Variants in VCP observed in about 807,000 individuals in gnomAD.
VCP encodes the protein valosin containing protein, also known as transitional endoplasmic reticulum ATPase.
Under a neutral mutation model 85.7 loss-of-function variants are expected in VCP, and 6 were observed. That is an observed-to-expected ratio of 0.07 (90% CI 0.04 to 0.14). The LOEUF is 0.14. VCP is among the 10% of genes least tolerant of loss of function. VCP has a pLI of 1.00. For synonymous variants in VCP, 384 were observed against 367.1 expected (o/e 1.05, Z -0.53); for missense variants, 353 against 1,043.4 (o/e 0.34, Z 9.12).
intron 1 of VCP, chr9:35,071,843 G>A (rs936833990): frequency 9.1e-6 from 9 of 988,664 alleles, no homozygotes; most frequent in Non-Finnish European, 1.1e-5. Flanking sequence ...GCTCCGCCTC[G>A]GTGGCAGAGC....
At chr9:35,071,650 C>A (rs1828947635) in intron 1 of VCP, 1 of 945,012 alleles carries the variant, frequency 1.1e-6, no homozygotes, top group Non-Finnish European at 1.3e-6. Flanking sequence ...CTCAAACTTT[C>A]TAGTATGAAC....
intron 7 of VCP, 41 bp from the exon 8 acceptor site, chr9:35,062,391 C>G: frequency 6.2e-7 from 1 of 1,613,660 alleles, no homozygotes; most frequent in Non-Finnish European, 8.5e-7. Context: ...AAATGATAGT[C>G]TTTCCCAATT....
At position 35,059,046 on chromosome 9, in the gene VCP, G is replaced by T. The variant is rs1054911550; in HGVS notation, c.2160+18C>A. 2 of 1,613,562 alleles carry T rather than the reference G, an allele frequency of 1.2e-6. No homozygotes were observed. The highest frequency in any genetic ancestry group is 2.2e-5 in the East Asian group (1 of 44,862). On this transcript the variant is annotated intron_variant, in intron 15 of 16. Transcript: ENST00000358901. The surrounding 1 kb of genome is among the most constrained non-coding windows in gnomAD (Gnocchi z 4.9). ...GCTCTCCATGATTGGCACATCTGGG[G>T]AAAGGATGCAGACTCACCATGGCTG...
At chr9:35,063,111 C>T in intron 6 of VCP, 31 bp from the exon 7 acceptor site, 2 of 1,605,720 alleles carry the variant, frequency 1.2e-6, no homozygotes, top group East Asian at 2.2e-5. Flanking sequence ...TGATTAGGTT[C>T]CCACCTTCTC....
In VCP at chr9:35,056,942, T is replaced by C. The variant is rs766053871; in HGVS notation, c.*175A>G. The C allele has an allele frequency of 1.6e-4, 106 of 672,954 alleles. No homozygotes were observed. Among genetic ancestry groups the C allele is most frequent in the Non-Finnish European group, 2.4e-4 (91 of 381,714 alleles). The allele number at this position is 672,954 out of a possible 1,614,324, so 41.7% of individuals were successfully genotyped here. A position where few individuals can be genotyped will look rare whatever the true frequency, so the allele number is the denominator to read the frequency against. On this transcript the variant is annotated 3_prime_UTR_variant, in exon 17 of 17. Coordinates refer to ENST00000358901, the MANE Select transcript of VCP (RefSeq NM_007126.5). The stretch of plus-strand genomic sequence containing the variant: ...ATCGCTTTTATTTTATCGCTTTTGT[T>C]TTGTATTTTTGCAACAGAAACCCCC...
In VCP at chr9:35,064,302, TAAAG is replaced by T. The variant is rs763622603; in HGVS notation, c.577-21_577-18del. 1.7e-5 allele frequency: 28 copies of T among 1,613,682 alleles called. 1 individual carries two copies. The highest frequency in any genetic ancestry group is 2.2e-5 in the South Asian group (2 of 91,076). The stretch of plus-strand genomic sequence containing the variant: ...TTCCTCATCCTGAATATGGAGGAGA[TAAAG>T]AAAGGAGAAGGCAAGAATATTATAT... On this transcript the variant is annotated intron_variant, in intron 5 of 16. Coordinates refer to ENST00000358901, the MANE Select transcript of VCP (RefSeq NM_007126.5).
At chr9:35,066,874 G>A (rs1445258584) in intron 3 of VCP, 57 bp from the exon 4 acceptor site, 9 of 1,612,884 alleles carry the variant, frequency 5.6e-6, no homozygotes, top group African/African-American at 2.7e-5. Context: ...CAAGCACTGG[G>A]TGTCCAAAAG....
chr9:35,070,497 G>C (rs1170864317), intron 1 of VCP, among the ~76,000 whole-genome samples: 1 of 152,094 alleles, frequency 6.6e-6, no homozygotes, highest in Non-Finnish European at 1.5e-5. Flanking sequence ...GCAGTGGCGC[G>C]ATCTCCCTCA....
At position 35,056,718 on chromosome 9, in the gene VCP, C is replaced by G. The variant is rs899450311; in HGVS notation, c.*399G>C. ...TCCAGCAACTGTGGCCCCTACCCACCTACCCAGGTTGGATAGGGGGAAGGG... is the reference window on the plus strand; with the variant it reads ...TCCAGCAACTGTGGCCCCTACCCACGTACCCAGGTTGGATAGGGGGAAGGG... On this transcript the variant is annotated 3_prime_UTR_variant, in exon 17 of 17. Transcript: ENST00000358901. The G allele has an allele frequency of 3.6e-6, 1 of 280,596 alleles. No homozygotes were observed. The highest frequency in any genetic ancestry group is 7.1e-6 in the Non-Finnish European group (1 of 141,794). The allele number at this position is 280,596 out of a possible 1,614,324, so 17.4% of individuals were successfully genotyped here.
intron 15 of VCP, among the ~76,000 whole-genome samples, chr9:35,058,312 A>G (rs1257247336): frequency 6.6e-6 from 1 of 152,250 alleles, no homozygotes; most frequent in East Asian, 1.9e-4. Context: ...AACTTAATGA[A>G]TTAATTAAGG....
Position 35,072,456 on chromosome 9 carries a change from G to A in VCP, c.-103C>T. 7.4e-7 allele frequency: 1 copy of A among 1,346,786 alleles called. No individual in the cohort carries two copies. The highest frequency in any genetic ancestry group is 3.1e-5 in the East Asian group (1 of 32,480). The allele number at this position is 1,346,786 out of a possible 1,614,324, so 83.4% of individuals were successfully genotyped here. A position where few individuals can be genotyped will look rare whatever the true frequency, so the allele number is the denominator to read the frequency against. ...CCGGGGCTCGGCTCTTCCAGGCGGTGGGCGAGCAGCGGCGACAAACCCGCA... is the reference window on the plus strand; with the variant it reads ...CCGGGGCTCGGCTCTTCCAGGCGGTAGGCGAGCAGCGGCGACAAACCCGCA... On this transcript the variant is annotated 5_prime_UTR_variant, in exon 1 of 17. Transcript: ENST00000358901.
chr9:35,069,611 C>A (rs489922), intron 1 of VCP, among the ~76,000 whole-genome samples: 82,833 of 151,982 alleles, frequency 0.55, 25,847 homozygotes, highest in Non-Finnish European at 0.71. Flanking sequence ...CGCCACCACA[C>A]CTGGCTAATT....
rs1828667074 is a variant in VCP at position 35,058,979 on chromosome 9, C to T, written c.2160+85G>A. Reference sequence around the variant, plus strand: ...CTCAGTTAGATGATCTTTCCAACAGCTTCTACTCTCAACTCCAGGGCATGG... The same window carrying T: ...CTCAGTTAGATGATCTTTCCAACAGTTTCTACTCTCAACTCCAGGGCATGG... On this transcript the variant is annotated intron_variant, in intron 15 of 16. Transcript: ENST00000358901. 5 of 1,577,850 alleles carry T rather than the reference C, an allele frequency of 3.2e-6. No individual in the cohort carries two copies. The Admixed American group carries it at 8.3e-5, about 26-fold the overall frequency.
intron 15 of VCP, among the ~76,000 whole-genome samples, chr9:35,058,670 G>C (rs1020672443): frequency 6.6e-6 from 1 of 152,204 alleles, no homozygotes; most frequent in Non-Finnish European, 1.5e-5. Flanking sequence ...GGGAGGCTGA[G>C]GCAGGAGAAT....
rs139130688 is a variant in VCP at position 35,068,048 on chromosome 9, A to G, written c.145T>C (p.Leu49=). 26 of 1,614,240 alleles carry G rather than the reference A, an allele frequency of 1.6e-5. No homozygotes were observed. In the East Asian group the frequency reaches 5.8e-4, roughly 36 times the overall value. The change falls in exon 3 of 17, where the codon TTG becomes CTG. Residue 49 remains leucine, a synonymous_variant. Transcript: ENST00000358901. ...VSLSQPKMDE[L]QLFRGDTVLL... ...ACTGTGTCACCTCGGAACAACTGCA[A>G]TTCATCCATCTTGGGCTGAGGAAAG...
Position 35,059,541 on chromosome 9 carries a change from G to T in VCP, c.1956C>A (p.Ser652=). 1.9e-6 allele frequency: 3 copies of T among 1,614,136 alleles called. No homozygotes were observed. Among genetic ancestry groups the T allele is most frequent in the Non-Finnish European group, 2.5e-6 (3 of 1,180,038 alleles). The change falls in exon 14 of 17, where the codon TCC becomes TCA. Residue 652 remains serine, a synonymous_variant. Coordinates refer to ENST00000358901, the MANE Select transcript of VCP (RefSeq NM_007126.5). The surrounding 1 kb of genome is among the most constrained non-coding windows in gnomAD (Gnocchi z 4.9). ...GGTTAGCCTTGAGGATGGCAACACG[G>T]GACTTCTCATCAGGAAGTGGGATGT... is the stretch of plus-strand genomic sequence containing the variant. ...LIYIPLPDEK[S]RVAILKANLR... is the part of the protein sequence containing the mutation.
Position 35,065,388 on chromosome 9 carries a change from G to A in VCP, c.446-7C>T, listed in dbSNP as rs757560700. 6.2e-6 allele frequency: 10 copies of A among 1,614,094 alleles called. No homozygotes were observed. Among genetic ancestry groups the A allele is most frequent in the Non-Finnish European group, 8.5e-6 (10 of 1,179,994 alleles). On this transcript the variant is annotated splice_region_variant and splice_polypyrimidine_tract_variant and intron_variant, in intron 4 of 16. Transcript: ENST00000358901. ...CGGACAAGAAAAATGTCTCCTGCGAGAGCAAACAGTACAAGCACAGTTAGA... is the reference window on the plus strand; with the variant it reads ...CGGACAAGAAAAATGTCTCCTGCGAAAGCAAACAGTACAAGCACAGTTAGA...
intron 4 of VCP, among the ~76,000 whole-genome samples, chr9:35,066,057 C>T (rs12376181): frequency 6.6e-6 from 1 of 151,178 alleles, no homozygotes; most frequent in African/African-American, 2.4e-5. Flanking sequence ...ACCCAGGAGG[C>T]GGAGGTTGCA....
chr9:35,070,706 G>T (rs1044834168), intron 1 of VCP, among the ~76,000 whole-genome samples: 1 of 152,178 alleles, frequency 6.6e-6, no homozygotes, highest in African/African-American at 2.4e-5. Flanking sequence ...AAAATGCTGG[G>T]ATTACAGGCC....
Sources: gnomAD v4.1 joint callset for allele counts (sites outside exome capture counted in the v4.1 genomes callset) on GRCh38, gnomAD v4.1.1 for gene constraint, Gnocchi (gnomAD v3.1) non-coding constraint, MANE v1.5 for transcripts, NCBI Gene and HGNC (gene_info 2026-07-23, HGNC 2026-07-21) for gene names.